Variants in LARS2 observed in about 807,000 individuals in gnomAD.
The protein encoded by LARS2 is leucyl-tRNA synthetase 2, mitochondrial, also known as leucine--tRNA ligase, mitochondrial.
In LARS2, 81 loss-of-function variants were observed where a neutral mutation model predicts 116.6. The ratio of observed to expected loss-of-function variants is 0.69; its 90% confidence interval spans 0.58 to 0.84. LARS2 has a LOEUF of 0.84. Ranked by LOEUF, LARS2 falls within the 40% of genes least tolerant of loss-of-function variation. The probability of loss-of-function intolerance (pLI) is 0.00; values close to 1 mark genes in which losing one functional copy is unlikely to be tolerated. For missense variants in LARS2, 968 were observed against 1,114.5 expected (o/e 0.87, Z 1.87); for synonymous variants, 396 against 407.2 (o/e 0.97, Z 0.33).
intron 15 of LARS2, among the ~76,000 whole-genome samples, chr3:45,502,484 C>T (rs185590549): frequency 6.6e-6 from 1 of 152,190 alleles, no homozygotes; most frequent in East Asian, 1.9e-4. Flanking sequence ...CTGTAGTGCC[C>T]TCTCCATCAT....
intron 6 of LARS2, among the ~76,000 whole-genome samples, chr3:45,427,783 T>G (rs1698620522): frequency 6.6e-6 from 1 of 152,078 alleles, no homozygotes; most frequent in Non-Finnish European, 1.5e-5. Context: ...TAACCACTGT[T>G]CTGACATTGA....
chr3:45,390,891 C>G (rs854188), intron 1 of LARS2, among the ~76,000 whole-genome samples: 1 of 151,786 alleles, frequency 6.6e-6, no homozygotes, highest in Non-Finnish European at 1.5e-5. Context: ...CCACCCGCCT[C>G]GGCCTCCCAA....
chr3:45,498,042 C>T (rs1329626238), intron 14 of LARS2, among the ~76,000 whole-genome samples: 4 of 152,234 alleles, frequency 2.6e-5, no homozygotes, highest in African/African-American at 9.6e-5. Context: ...GAGGGGCTCC[C>T]CTTCAGGGCC....
chr3:45,449,014 T>C (rs1699067895), intron 7 of LARS2, among the ~76,000 whole-genome samples: 1 of 152,150 alleles, frequency 6.6e-6, no homozygotes. Context: ...TATTTCCTCA[T>C]AGTTCTGAAG....
intron 6 of LARS2, among the ~76,000 whole-genome samples, chr3:45,426,061 A>G (rs912938647): frequency 6.6e-6 from 1 of 151,932 alleles, no homozygotes; most frequent in Non-Finnish European, 1.5e-5. Flanking sequence ...TTTCTGCCTC[A>G]ATTTATTTTA....
intron 6 of LARS2, among the ~76,000 whole-genome samples, chr3:45,437,683 T>C (rs1022019451): frequency 1.3e-5 from 2 of 152,208 alleles, no homozygotes; most frequent in Admixed American, 6.5e-5. Context: ...GGGTCACTTA[T>C]GCTTGGATTC....
At chr3:45,439,373 A>G (rs371863033) in intron 6 of LARS2, among the ~76,000 whole-genome samples, 9 of 151,070 alleles carry the variant, frequency 6.0e-5, no homozygotes, top group African/African-American at 2.2e-4. Flanking sequence ...GGCGCCCACC[A>G]CCATGCCTGG....
At chr3:45,425,707 T>G (rs1189411257) in intron 6 of LARS2, among the ~76,000 whole-genome samples, 2 of 152,234 alleles carry the variant, frequency 1.3e-5, no homozygotes, top group Non-Finnish European at 2.9e-5. Flanking sequence ...TTTTCATCTG[T>G]AAAGAATCTG....
Position 45,470,862 on chromosome 3 carries a change from T to G in LARS2, c.751-3381T>G, listed in dbSNP as rs113638787. On this transcript the variant is annotated intron_variant, in intron 8 of 21. Transcript: ENST00000645846. ...CCTCAGATTCGATTTGAAAAAGGTT[T>G]CATAGCACTTTTAAAAAGAATCTAA... is the stretch of plus-strand genomic sequence containing the variant. Among the ~76,000 whole-genome samples the G allele has an allele frequency of 6.0e-3, 913 of 152,018 alleles. 6 individuals are homozygous for G. The highest frequency in any genetic ancestry group is 0.01 in the Middle Eastern group (3 of 292).
intron 2 of LARS2, among the ~76,000 whole-genome samples, chr3:45,393,394 G>T (rs192776556): frequency 6.6e-6 from 1 of 152,142 alleles, no homozygotes; most frequent in Non-Finnish European, 1.5e-5. Flanking sequence ...GGCCAACATG[G>T]TGAAACCCCA....
At chr3:45,483,696 C>G (rs1370943504) in intron 10 of LARS2, among the ~76,000 whole-genome samples, 1 of 152,048 alleles carries the variant, frequency 6.6e-6, no homozygotes, top group Admixed American at 6.6e-5. Flanking sequence ...ATATGGGTCT[C>G]TACTTTGAGA....
At chr3:45,464,305 C>G (rs765781019) in intron 8 of LARS2, among the ~76,000 whole-genome samples, 101 of 152,172 alleles carry the variant, frequency 6.6e-4, no homozygotes, top group Non-Finnish European at 9.3e-4. Context: ...CTCAGAGAAG[C>G]AGTGAGGCAG....
intron 14 of LARS2, among the ~76,000 whole-genome samples, chr3:45,498,910 T>A (rs1241397421): frequency 1.3e-5 from 2 of 152,230 alleles, no homozygotes; most frequent in African/African-American, 2.4e-5. Flanking sequence ...CTTAAATATG[T>A]TGCATCGCAT....
rs1452974090 is a variant in LARS2, at chr3:45,391,598, T to C, written c.-72T>C. The C allele has an allele frequency of 6.6e-6, 1 of 152,112 alleles. No individual in the cohort carries two copies. The highest frequency in any genetic ancestry group is 1.5e-5 in the Non-Finnish European group (1 of 68,026). The allele number at this position is 152,112 out of a possible 1,614,324, so 9.4% of individuals were successfully genotyped here. On this transcript the variant is annotated 5_prime_UTR_variant, in exon 2 of 22. Transcript: ENST00000645846. ...TGCTTTTCAGATCCAGACCTACAGA[T>C]AAAAAACATTATTTAATCTATCTGG...
At chr3:45,518,196 A>G (rs562767558) in intron 18 of LARS2, 124 bp downstream of exon 18, 48 of 669,794 alleles carry the variant, frequency 7.2e-5, no homozygotes, top group South Asian at 3.5e-4. Context: ...CTTCCTGGCA[A>G]TGGCGGTCCT....
rs1698390357 is a variant in LARS2, at chr3:45,414,954, C to T, written c.364-2528C>T. ...ATGGTAGGGGACTGAATTTTGTAAG[C>T]AGTGTGTCTTTCCTGACAGGGGCAG... On this transcript the variant is annotated intron_variant, in intron 4 of 21. Transcript: ENST00000645846. 2.0e-5 allele frequency among the ~76,000 whole-genome samples: 3 copies of T among 152,132 alleles called. No individual in the cohort carries two copies. In the South Asian group the frequency reaches 6.2e-4, roughly 32 times the overall value.
chr3:45,477,321 G>A (rs564938418), intron 10 of LARS2, among the ~76,000 whole-genome samples: 2 of 152,352 alleles, frequency 1.3e-5, no homozygotes, highest in Non-Finnish European at 2.9e-5. Flanking sequence ...TCCGAAGGGG[G>A]ACTTGGAGAG....
intron 15 of LARS2, among the ~76,000 whole-genome samples, chr3:45,508,668 T>C (rs1195244022): frequency 6.6e-6 from 1 of 152,002 alleles, no homozygotes; most frequent in Non-Finnish European, 1.5e-5. Flanking sequence ...AATAGGTAAA[T>C]GTCATCTGCA....
intron 8 of LARS2, 73 bp downstream of exon 8, chr3:45,458,959 G>A: frequency 6.8e-7 from 1 of 1,478,732 alleles, no homozygotes; most frequent in Non-Finnish European, 9.4e-7. Flanking sequence ...TTCTGGGTAT[G>A]AGAGAGCCTC....
Sources: allele counts gnomAD v4.1 joint callset (sites outside exome capture counted in the v4.1 genomes callset), GRCh38; gene constraint gnomAD v4.1.1; transcripts MANE v1.5; gene names NCBI Gene and HGNC (gene_info 2026-07-23, HGNC 2026-07-21).